RPTOR: variants seen among roughly 807,000 people sequenced by gnomAD.
RPTOR encodes regulatory associated protein of MTOR complex 1.
In RPTOR, 21 loss-of-function variants were observed where a neutral mutation model predicts 169.9. The ratio of observed to expected loss-of-function variants is 0.12; its 90% confidence interval spans 0.09 to 0.18. RPTOR has a LOEUF of 0.18. Among genes scored for constraint, RPTOR ranks in the 10% least tolerant of loss-of-function variants. The pLI is 1.00. For synonymous variants in RPTOR, 732 were observed against 753.2 expected (o/e 0.97, Z 0.46); for missense variants, 1,133 against 1,855.9 (o/e 0.61, Z 7.16).
intron 3 of RPTOR, among the ~76,000 whole-genome samples, chr17:80,653,066 T>C (rs1158745437): frequency 6.6e-6 from 1 of 152,234 alleles, no homozygotes; most frequent in Admixed American, 6.5e-5. Context: ...CTTTGTCCAT[T>C]TTTTAGTTGG....
chr17:80,623,248 A>G (rs1389329587), intron 1 of RPTOR, among the ~76,000 whole-genome samples: 1 of 152,228 alleles, frequency 6.6e-6, no homozygotes, highest in Admixed American at 6.5e-5. Flanking sequence ...TATTATTCTT[A>G]GATAATATAG....
At chr17:80,697,652 G>A (rs138276238) in intron 3 of RPTOR, among the ~76,000 whole-genome samples, 154 of 152,364 alleles carry the variant, frequency 1.0e-3, no homozygotes, top group African/African-American at 3.6e-3. Context: ...GCCACCTTGT[G>A]CAGAGGCATG....
At chr17:80,620,029 A>G (rs1174473463) in intron 1 of RPTOR, among the ~76,000 whole-genome samples, 2 of 152,206 alleles carry the variant, frequency 1.3e-5, no homozygotes, top group Non-Finnish European at 2.9e-5. Context: ...TGGGAAGACC[A>G]GTCATGAGTC....
chr17:80,964,435 G>T lies in RPTOR; in HGVS notation c.*105G>T. 4.4e-6 allele frequency: 5 copies of T among 1,125,656 alleles called. No homozygotes were observed. The highest frequency in any genetic ancestry group is 6.6e-6 in the Non-Finnish European group (5 of 756,620). 69.7% of individuals were successfully genotyped at this position (1,125,656 alleles called of 1,614,324 possible). Reference sequence around the variant, plus strand: ...GCTGCTGCGGCCCCGCAGTGTGAACGTTGGCTGCTGCCTTAGCTGCTGATG... The same window carrying T: ...GCTGCTGCGGCCCCGCAGTGTGAACTTTGGCTGCTGCCTTAGCTGCTGATG... On this transcript the variant is annotated 3_prime_UTR_variant, in exon 34 of 34. Coordinates refer to ENST00000306801, the MANE Select transcript of RPTOR (RefSeq NM_020761.3).
At chr17:80,615,396 G>A (rs1437248464) in intron 1 of RPTOR, among the ~76,000 whole-genome samples, 2 of 152,192 alleles carry the variant, frequency 1.3e-5, no homozygotes, top group African/African-American at 4.8e-5. Flanking sequence ...TGGCCCCTTA[G>A]CTGCAGGAGT....
chr17:80,563,457 C>T (rs1410889099), intron 1 of RPTOR, among the ~76,000 whole-genome samples: 5 of 147,098 alleles, frequency 3.4e-5, no homozygotes, highest in Non-Finnish European at 4.5e-5. Context: ...CACTTGAACC[C>T]GGGAGGCAGA....
chr17:80,824,428 A>G (rs2143622940), intron 9 of RPTOR, among the ~76,000 whole-genome samples: 1 of 152,364 alleles, frequency 6.6e-6, no homozygotes, highest in Middle Eastern at 3.4e-3. Flanking sequence ...CCTTTGCAAT[A>G]CTTAGAATAA....
intron 20 of RPTOR, among the ~76,000 whole-genome samples, chr17:80,900,774 C>T (rs976418142): frequency 2.0e-5 from 3 of 152,242 alleles, no homozygotes; most frequent in African/African-American, 7.2e-5. Flanking sequence ...ATCTGGCCAT[C>T]AAGTAAGAAT....
At chr17:80,816,706 G>A (rs2067326875) in intron 7 of RPTOR, among the ~76,000 whole-genome samples, 1 of 152,210 alleles carries the variant, frequency 6.6e-6, no homozygotes, top group Middle Eastern at 3.2e-3. Context: ...GGGGGCTTGG[G>A]AGGAGGTGGC....
At chr17:80,722,704 G>A (rs1352952337) in intron 4 of RPTOR, among the ~76,000 whole-genome samples, 2 of 151,366 alleles carry the variant, frequency 1.3e-5, no homozygotes, top group Non-Finnish European at 2.9e-5. Context: ...GAGTTGCAGA[G>A]GCAGCACAGA....
intron 5 of RPTOR, among the ~76,000 whole-genome samples, chr17:80,732,890 T>C (rs770271895): frequency 2.0e-5 from 3 of 152,256 alleles, no homozygotes; most frequent in Non-Finnish European, 2.9e-5. Context: ...AAATTTACAA[T>C]ATGTTTTAAT....
rs541308147 is a variant in RPTOR at position 80,649,151 on chromosome 17, C to T, written c.348+5341C>T. Among the ~76,000 whole-genome samples the T allele has an allele frequency of 3.3e-5, 5 of 152,246 alleles. No individual in the cohort carries two copies. In the South Asian group the frequency reaches 6.2e-4, roughly 19 times the overall value. On this transcript the variant is annotated intron_variant, in intron 3 of 33. Coordinates refer to ENST00000306801, the MANE Select transcript of RPTOR (RefSeq NM_020761.3). ...ATTTTCAGGCTCAGATATGGATAAT[C>T]GGGGAAGAAGCAGCTAAGTTGCCCT...
intron 7 of RPTOR, among the ~76,000 whole-genome samples, chr17:80,796,152 G>T (rs918151727): frequency 2.6e-5 from 4 of 152,214 alleles, no homozygotes; most frequent in Non-Finnish European, 5.9e-5. Context: ...CACTGCCTGA[G>T]ACTGGGTGTA....
At chr17:80,638,701 G>A (rs968277335) in intron 2 of RPTOR, among the ~76,000 whole-genome samples, 4 of 152,300 alleles carry the variant, frequency 2.6e-5, no homozygotes, top group African/African-American at 9.6e-5. Context: ...AAAGAAGGGG[G>A]TTAACTGCTT....
intron 1 of RPTOR, 120 bp downstream of exon 1, chr17:80,545,911 C>T: frequency 1.2e-6 from 1 of 861,120 alleles, no homozygotes; most frequent in South Asian, 2.3e-5. Context: ...CGTTGTAAGT[C>T]AACTAGAAAG....
At chr17:80,693,616 ACCTTGTAGTC>A (rs2066011235) in intron 3 of RPTOR, among the ~76,000 whole-genome samples, 1 of 152,156 alleles carries the variant, frequency 6.6e-6, no homozygotes, top group Non-Finnish European at 1.5e-5. Context: ...AGTTACTGTG[ACCTTGTAGTC>A]CCTTTGGGTT....
At chr17:80,548,371 GTTTTTTTTTTTTTTTTT>G (rs34301408) in intron 1 of RPTOR, among the ~76,000 whole-genome samples, 1 of 63,432 alleles carries the variant, frequency 1.6e-5, no homozygotes, top group Non-Finnish European at 3.0e-5. Context: ...GCCTGGGGTG[GTTTTTTTTTTTTTTTTT>G]TTTTTTTTTT....
At chr17:80,813,091 A>T (rs1313452269) in intron 7 of RPTOR, among the ~76,000 whole-genome samples, 2 of 152,312 alleles carry the variant, frequency 1.3e-5, no homozygotes, top group East Asian at 3.9e-4. Context: ...ATTCAGACCA[A>T]TATCGTGTAT....
At position 80,960,138 on chromosome 17, in the gene RPTOR, C is replaced by T; in HGVS notation, c.3538C>T (p.Leu1180Phe). The change falls in exon 30 of 34, where the codon CTC (leucine) becomes TTC (phenylalanine). Residue 1180 changes from leucine to phenylalanine, a missense_variant. Leu to Phe is a conservative substitution (Grantham distance 22, BLOSUM62 0). Around this residue, in one of 9 missense-constraint regions of RPTOR, gnomAD observed 410 missense variants for 623.7 expected, o/e 0.66. Transcript: ENST00000306801. The surrounding 1 kb of genome is among the most constrained non-coding windows in gnomAD (Gnocchi z 4.8). ...TCTGTCCTGTGATTCCCACCGCTCA[C>T]TCATCGTGGCTGGCCTCGGTGACGG... is the stretch of plus-strand genomic sequence containing the variant. ...TSLSCDSHRSLIVAGLGDGSI... is the reference protein window; with the variant it reads ...TSLSCDSHRSFIVAGLGDGSI... 6.2e-7 allele frequency: 1 copy of T among 1,613,738 alleles called. No homozygotes were observed. The highest frequency in any genetic ancestry group is 1.3e-5 in the African/African-American group (1 of 75,046).
Sources: gnomAD v4.1 joint callset for allele counts (sites outside exome capture counted in the v4.1 genomes callset) on GRCh38, gnomAD v4.1.1 for gene constraint, gnomAD v4.1.1 regional missense constraint, Gnocchi (gnomAD v3.1) non-coding constraint, MANE v1.5 for transcripts, NCBI Gene and HGNC (gene_info 2026-07-23, HGNC 2026-07-21) for gene names.